The following CYP19A1 variants were observed in gnomAD, a reference collection of about 807,000 sequenced individuals.
CYP19A1 encodes cytochrome P450 family 19 subfamily A member 1.
CYP19A1 carries 32 observed loss-of-function variants against 44.4 expected under a neutral mutation model. The observed-to-expected ratio is 0.72, with a 90% CI of 0.54 to 0.97. CYP19A1 has a LOEUF of 0.97. Ranked by LOEUF, CYP19A1 falls within the 50% of genes least tolerant of loss-of-function variation. The pLI is 0.00. For synonymous variants in CYP19A1, 212 were observed against 215.6 expected, an observed-to-expected ratio of 0.98 and a Z score of 0.14; for missense variants, 598 against 637.8, an observed-to-expected ratio of 0.94 and a Z score of 0.67.
At chr15:51,248,029 T>C (rs1449982528) in intron 1 of CYP19A1, among the ~76,000 whole-genome samples, 2 of 152,170 alleles carry the variant, frequency 1.3e-5, no homozygotes. Flanking sequence ...GCTTCCTTCT[T>C]TGCCAAAAAT....
rs1368878324 is a variant in CYP19A1, at chr15:51,212,314, T to C, written c.1263+6A>G. Reference sequence around the variant, plus strand: ...GGCACACTCAGTTTTAAGGAAGGGCTCTTACATTCTTTGCAAAATTTTCAA... The same window carrying C: ...GGCACACTCAGTTTTAAGGAAGGGCCCTTACATTCTTTGCAAAATTTTCAA... On this transcript the variant is annotated splice_donor_region_variant and intron_variant, in intron 9 of 9. Transcript: ENST00000396402. 6.3e-7 allele frequency: 1 copy of C among 1,585,142 alleles called. No homozygotes were observed. Among genetic ancestry groups the C allele is most frequent in the Non-Finnish European group, 8.7e-7 (1 of 1,153,656 alleles).
At chr15:51,300,260 ACTT>A (rs1295533840) in intron 1 of CYP19A1, among the ~76,000 whole-genome samples, 1 of 152,186 alleles carries the variant, frequency 6.6e-6, no homozygotes, top group East Asian at 1.9e-4. Flanking sequence ...CATGATCTCT[ACTT>A]CTTGTCTAGG....
At chr15:51,289,366 C>T (rs549981167) in intron 1 of CYP19A1, among the ~76,000 whole-genome samples, 3 of 152,286 alleles carry the variant, frequency 2.0e-5, no homozygotes, top group East Asian at 3.9e-4. Context: ...TATGCCATTC[C>T]CTGCACAATT....
At chr15:51,313,782 G>A (rs571745793) in intron 1 of CYP19A1, among the ~76,000 whole-genome samples, 2 of 152,190 alleles carry the variant, frequency 1.3e-5, no homozygotes, top group Admixed American at 6.5e-5. Context: ...GGGCGACAGA[G>A]TGAGACTCTA....
intron 4 of CYP19A1, among the ~76,000 whole-genome samples, chr15:51,224,146 C>A (rs1231822987): frequency 6.6e-6 from 1 of 152,176 alleles, no homozygotes. Flanking sequence ...TATTTCTTCA[C>A]CCCTCGCCAC....
chr15:51,250,833 T>C (rs2034279267), intron 1 of CYP19A1, among the ~76,000 whole-genome samples: 1 of 152,202 alleles, frequency 6.6e-6, no homozygotes, highest in Non-Finnish European at 1.5e-5. Context: ...ACTTCACTTT[T>C]CAATTCAATT....
At chr15:51,300,121 G>A (rs1166714649) in intron 1 of CYP19A1, among the ~76,000 whole-genome samples, 2 of 152,196 alleles carry the variant, frequency 1.3e-5, no homozygotes, top group African/African-American at 2.4e-5. Flanking sequence ...AGAGTCCTGA[G>A]CCACCAGGAA....
At chr15:51,226,676 C>T (rs1167792599) in intron 4 of CYP19A1, among the ~76,000 whole-genome samples, 1 of 151,354 alleles carries the variant, frequency 6.6e-6, no homozygotes, top group Non-Finnish European at 1.5e-5. Context: ...CCCCAGATTC[C>T]ACCACTGACA....
chr15:51,285,133 T>C (rs926320530), intron 1 of CYP19A1, among the ~76,000 whole-genome samples: 1 of 152,176 alleles, frequency 6.6e-6, no homozygotes, highest in African/African-American at 2.4e-5. Flanking sequence ...TACAGATGCT[T>C]AACGGACCAA....
intron 1 of CYP19A1, among the ~76,000 whole-genome samples, chr15:51,266,980 G>A (rs1195015452): frequency 6.6e-6 from 1 of 152,176 alleles, no homozygotes; most frequent in African/African-American, 2.4e-5. Flanking sequence ...TTCCACACTG[G>A]AGAGGAAGTC....
chr15:51,213,118 T>C (rs2031196247), intron 8 of CYP19A1, among the ~76,000 whole-genome samples: 1 of 152,212 alleles, frequency 6.6e-6, no homozygotes, highest in African/African-American at 2.4e-5. Flanking sequence ...TCTATTTCAA[T>C]GAAATTTTCT....
intron 1 of CYP19A1, among the ~76,000 whole-genome samples, chr15:51,276,701 T>C (rs1176659583): frequency 6.6e-6 from 1 of 152,222 alleles, no homozygotes. Flanking sequence ...TGCAATTCAA[T>C]CTAAAACACC....
chr15:51,329,114 G>T (rs2036659317), intron 1 of CYP19A1, among the ~76,000 whole-genome samples: 1 of 152,070 alleles, frequency 6.6e-6, no homozygotes, highest in South Asian at 2.1e-4. Flanking sequence ...ACAACCTATT[G>T]GTTCTGCTTC....
intron 3 of CYP19A1, among the ~76,000 whole-genome samples, chr15:51,231,185 T>C (rs1442876267): frequency 3.3e-5 from 5 of 152,240 alleles, no homozygotes; most frequent in African/African-American, 9.6e-5. Context: ...TACTGAAGTG[T>C]TATTGCAAAA....
At chr15:51,232,482 T>G (rs1024163432) in intron 3 of CYP19A1, among the ~76,000 whole-genome samples, 1 of 152,170 alleles carries the variant, frequency 6.6e-6, no homozygotes, top group African/African-American at 2.4e-5. Flanking sequence ...AAGGTTCAGT[T>G]CTCTCTACTC....
intron 1 of CYP19A1, among the ~76,000 whole-genome samples, chr15:51,264,395 C>T (rs1316855278): frequency 1.3e-5 from 2 of 151,954 alleles, no homozygotes; most frequent in African/African-American, 4.8e-5. Context: ...GAGGGTAAGA[C>T]CCCGAGAAAG....
At chr15:51,325,550 A>G (rs539211986) in intron 1 of CYP19A1, among the ~76,000 whole-genome samples, 11 of 152,288 alleles carry the variant, frequency 7.2e-5, no homozygotes, top group Admixed American at 6.5e-4. Flanking sequence ...TGAAAAGTTG[A>G]AAGTGCAGGC....
chr15:51,237,151 T>A, intron 2 of CYP19A1, 142 bp from the exon 3 acceptor site: 1 of 965,998 alleles, frequency 1.0e-6, no homozygotes, highest in Non-Finnish European at 1.5e-6. Context: ...TAAAGTGATT[T>A]GAAACAAAAC....
chr15:51,253,699 T>C (rs773515536), intron 1 of CYP19A1, among the ~76,000 whole-genome samples: 1 of 152,222 alleles, frequency 6.6e-6, no homozygotes, highest in Non-Finnish European at 1.5e-5. Flanking sequence ...CTGGGATATT[T>C]TCATTGTAAC....
Sources: gnomAD v4.1 joint callset for allele counts (sites outside exome capture counted in the v4.1 genomes callset) on GRCh38, gnomAD v4.1.1 for gene constraint, MANE v1.5 for transcripts, NCBI Gene and HGNC (gene_info 2026-07-23, HGNC 2026-07-21) for gene names.